CCDC149: variants seen among roughly 807,000 people sequenced by gnomAD.
CCDC149 encodes the protein coiled-coil domain-containing protein 149.
CCDC149 carries 45 observed loss-of-function variants against 59.9 expected under a neutral mutation model. The ratio of observed to expected loss-of-function variants is 0.75; its 90% CI spans 0.59 to 0.96. The LOEUF is 0.96. Among genes scored for constraint, CCDC149 ranks in the 40% least tolerant of loss-of-function variants. CCDC149 has a pLI of 0.00. For synonymous variants in CCDC149, 245 were observed against 260.6 expected, an observed-to-expected ratio of 0.94 and a Z score of 0.58; for missense variants, 584 against 664.7, an observed-to-expected ratio of 0.88 and a Z score of 1.33.
intron 1 of CCDC149, among the ~76,000 whole-genome samples, chr4:24,879,524 A>G (rs1439861342): frequency 6.6e-6 from 1 of 151,508 alleles, no homozygotes; most frequent in Admixed American, 6.6e-5. Flanking sequence ...TCTCAAAAAA[A>G]AAAAAAAAAA....
chr4:24,831,518 C>T lies in CCDC149; in HGVS notation c.953G>A (p.Arg318Lys). 1 of 1,614,018 alleles carries T rather than the reference C, an allele frequency of 6.2e-7. No homozygotes were observed. The highest frequency in any genetic ancestry group is 8.5e-7 in the Non-Finnish European group (1 of 1,180,000). ...TTTGGCCACCTACTTGTTGGTTTGC[C>T]TCTGGTGCTGAATGACCATGTTTTT... is the stretch of plus-strand genomic sequence containing the variant. The change falls in exon 9 of 13, where the codon AGG (arginine) becomes AAG (lysine). Residue 318 changes from arginine (R) to lysine (K), a missense_variant. Physicochemically the swap from Arg to Lys is conservative, Grantham distance 26 (BLOSUM62 2). Coordinates refer to ENST00000635206, the MANE Select transcript of CCDC149 (RefSeq NM_001330643.2).
intron 9 of CCDC149, chr4:24,828,368 T>A (rs775225465): frequency 2.6e-5 from 4 of 152,034 alleles, no homozygotes; most frequent in African/African-American, 9.7e-5. Flanking sequence ...TGTCTATGCA[T>A]CCTTTGGAAG....
At chr4:24,938,649 A>G (rs1722853517) in intron 1 of CCDC149, among the ~76,000 whole-genome samples, 1 of 152,226 alleles carries the variant, frequency 6.6e-6, no homozygotes, top group Non-Finnish European at 1.5e-5. Context: ...TCCTAGTCAA[A>G]GAAAGGGGTG....
At chr4:24,900,544 C>T (rs892312985) in intron 1 of CCDC149, among the ~76,000 whole-genome samples, 6 of 152,244 alleles carry the variant, frequency 3.9e-5, no homozygotes, top group Non-Finnish European at 5.9e-5. Flanking sequence ...CTGCATGATA[C>T]ATCATCATTC....
chr4:24,899,329 G>C (rs1018433118), intron 1 of CCDC149, among the ~76,000 whole-genome samples: 3 of 152,236 alleles, frequency 2.0e-5, no homozygotes, highest in African/African-American at 7.2e-5. Context: ...AAGCAGGAAA[G>C]AGAGATAGGA....
chr4:24,929,998 G>A (rs1431379736), intron 1 of CCDC149, among the ~76,000 whole-genome samples: 1 of 152,184 alleles, frequency 6.6e-6, no homozygotes, highest in Non-Finnish European at 1.5e-5. Flanking sequence ...AGACAAGAAT[G>A]TGTTGACAAG....
intron 1 of CCDC149, among the ~76,000 whole-genome samples, chr4:24,926,495 T>G (rs1478334374): frequency 6.6e-6 from 1 of 152,170 alleles, no homozygotes; most frequent in Non-Finnish European, 1.5e-5. Flanking sequence ...CTCAGGGGCT[T>G]CCAGAACCCA....
chr4:24,952,664 T>G (rs1193409347), intron 1 of CCDC149, among the ~76,000 whole-genome samples: 2 of 82,606 alleles, frequency 2.4e-5, no homozygotes, highest in African/African-American at 9.4e-5. Flanking sequence ...TATATATATA[T>G]AGTGGTAAAA....
chr4:24,944,059 C>T (rs1405265008), intron 1 of CCDC149, among the ~76,000 whole-genome samples: 1 of 152,152 alleles, frequency 6.6e-6, no homozygotes, highest in African/African-American at 2.4e-5. Flanking sequence ...GGTATATACC[C>T]AAAGGATTAT....
At chr4:24,887,426 T>C (rs1720250411) in intron 1 of CCDC149, among the ~76,000 whole-genome samples, 1 of 152,094 alleles carries the variant, frequency 6.6e-6, no homozygotes, top group Non-Finnish European at 1.5e-5. Context: ...CAGCAGATGA[T>C]AAACAGACAT....
At chr4:24,820,518 AGAGGAG>A (rs756613325) in intron 11 of CCDC149, among the ~76,000 whole-genome samples, 8 of 152,112 alleles carry the variant, frequency 5.3e-5, no homozygotes, top group Non-Finnish European at 7.4e-5. Context: ...AAGAAGAGGA[AGAGGAG>A]GAGGAGGAGG....
rs1367943785 is a variant in CCDC149, at chr4:24,807,874, C to A, written c.*515G>T. ...CAATGCCAAGCACACCCATGCCAGG[C>A]AGTCCTCCTGGGCCCTGACTTGATG... On this transcript the variant is annotated 3_prime_UTR_variant, in exon 13 of 13. Coordinates refer to ENST00000635206, the MANE Select transcript of CCDC149 (RefSeq NM_001330643.2). 2 of 152,356 alleles carry A rather than the reference C, an allele frequency of 1.3e-5. No individual in the cohort carries two copies. Among genetic ancestry groups the A allele is most frequent in the Admixed American group, 1.3e-4 (2 of 15,294 alleles). 9.4% of individuals were successfully genotyped at this position (152,356 alleles called of 1,614,324 possible). A position where few individuals can be genotyped will look rare whatever the true frequency, so the allele number is the denominator to read the frequency against.
chr4:24,868,317 C>T (rs1042451519), intron 3 of CCDC149, among the ~76,000 whole-genome samples: 5 of 152,126 alleles, frequency 3.3e-5, no homozygotes, highest in African/African-American at 9.7e-5. Flanking sequence ...GAAGAGGACA[C>T]CTTACCACCT....
intron 1 of CCDC149, among the ~76,000 whole-genome samples, chr4:24,886,339 G>C (rs1720176015): frequency 6.6e-6 from 1 of 152,226 alleles, no homozygotes; most frequent in Admixed American, 6.5e-5. Flanking sequence ...GTCAGAGGCT[G>C]ACAAATGGGA....
At chr4:24,817,975 T>C (rs1479498491) in intron 12 of CCDC149, among the ~76,000 whole-genome samples, 1 of 152,040 alleles carries the variant, frequency 6.6e-6, no homozygotes, top group Non-Finnish European at 1.5e-5. Context: ...TTTTTGAGCA[T>C]GGCACAAATG....
intron 1 of CCDC149, among the ~76,000 whole-genome samples, chr4:24,881,203 C>T (rs983768678): frequency 1.3e-5 from 2 of 152,200 alleles, no homozygotes; most frequent in Non-Finnish European, 2.9e-5. Flanking sequence ...AAAGGCCAAA[C>T]GTCTATTGGG....
chr4:24,844,465 G>C lies in CCDC149; in HGVS notation c.373-6193C>G, dbSNP rs115090650. Among the ~76,000 whole-genome samples, 277 of 152,174 alleles carry C rather than the reference G, an allele frequency of 1.8e-3. 1 individual carries two copies. The highest frequency in any genetic ancestry group is 6.3e-3 in the African/African-American group (260 of 41,518). ...AGGTTGAGGGCACTGTGGCCCACTGGGAACCATGTACAAATCAATGGGCCG... is the reference window on the plus strand; with the variant it reads ...AGGTTGAGGGCACTGTGGCCCACTGCGAACCATGTACAAATCAATGGGCCG... On this transcript the variant is annotated intron_variant, in intron 4 of 12. Coordinates refer to ENST00000635206, the MANE Select transcript of CCDC149 (RefSeq NM_001330643.2).
At chr4:24,921,198 G>C (rs1191470536) in intron 1 of CCDC149, among the ~76,000 whole-genome samples, 1 of 152,120 alleles carries the variant, frequency 6.6e-6, no homozygotes, top group Non-Finnish European at 1.5e-5. Flanking sequence ...CATACACCAG[G>C]CACTTTTCTA....
At chr4:24,973,704 A>G (rs963176297) in intron 1 of CCDC149, among the ~76,000 whole-genome samples, 2 of 152,236 alleles carry the variant, frequency 1.3e-5, no homozygotes, top group African/African-American at 4.8e-5. Context: ...ATTTTTGCTC[A>G]TTGAGACAAT....
Sources: gnomAD v4.1 joint callset for allele counts (sites outside exome capture counted in the v4.1 genomes callset) on GRCh38, gnomAD v4.1.1 for gene constraint, MANE v1.5 for transcripts, NCBI Gene and HGNC (gene_info 2026-07-23, HGNC 2026-07-21) for gene names.